The following RBBP8 variants were observed in gnomAD, a reference collection of about 807,000 sequenced individuals.
RBBP8 encodes DNA endonuclease RBBP8.
In RBBP8, 88 loss-of-function variants were observed where a neutral mutation model predicts 108.3. The ratio of observed to expected loss-of-function variants is 0.81; its 90% CI spans 0.68 to 0.97. The LOEUF (loss-of-function observed/expected upper bound fraction) is 0.97. RBBP8 is among the 50% of genes least tolerant of loss of function. The probability of loss-of-function intolerance (pLI) is 0.00; values close to 1 mark genes in which losing one functional copy is unlikely to be tolerated. For missense variants in RBBP8, 1,023 were observed against 1,049.0 expected (o/e 0.98, Z 0.34); for synonymous variants, 332 against 348.2 (o/e 0.95, Z 0.52).
Position 22,946,588 on chromosome 18 carries a change from C to T in RBBP8, c.152+102C>T, listed in dbSNP as rs1598646928. The T allele has an allele frequency of 4.7e-6, 7 of 1,498,434 alleles. No individual in the cohort carries two copies. The East Asian group carries it at 1.4e-4, about 30-fold the overall frequency. 92.8% of individuals were successfully genotyped at this position (1,498,434 alleles called of 1,614,324 possible). On this transcript the variant is annotated intron_variant, in intron 3 of 18. Transcript: ENST00000327155. ...TAGTTGATACTGATGTCCAATTTGA[C>T]CTTAATGTCTTATTTATAAAAAAAA...
At chr18:22,936,019 T>C (rs1395234931) in intron 1 of RBBP8, among the ~76,000 whole-genome samples, 6 of 152,188 alleles carry the variant, frequency 3.9e-5, no homozygotes, top group Non-Finnish European at 5.9e-5. Context: ...GATATGTGTA[T>C]ATATGTGGAT....
intron 5 of RBBP8, among the ~76,000 whole-genome samples, chr18:22,972,845 A>G (rs1914216632): frequency 6.6e-6 from 1 of 152,176 alleles, no homozygotes; most frequent in Admixed American, 6.5e-5. Context: ...AAGTAAAATT[A>G]CCTTTCAATT....
chr18:22,964,190 A>G (rs1453858801), intron 4 of RBBP8, among the ~76,000 whole-genome samples: 2 of 150,810 alleles, frequency 1.3e-5, no homozygotes, highest in African/African-American at 4.9e-5. Flanking sequence ...CTTGTCTAGA[A>G]CTCCTGGCCT....
At chr18:22,993,944 A>G in intron 12 of RBBP8, 97 bp downstream of exon 12, 1 of 1,336,140 alleles carries the variant, frequency 7.5e-7, no homozygotes, top group Middle Eastern at 2.0e-4. Context: ...TTTGGAAAAA[A>G]ACTTATTTCT....
intron 4 of RBBP8, among the ~76,000 whole-genome samples, chr18:22,968,317 C>G (rs991891197): frequency 6.6e-6 from 1 of 152,022 alleles, no homozygotes; most frequent in African/African-American, 2.4e-5. Context: ...ATGATCCTGT[C>G]GCCGCAGCCT....
At chr18:22,989,932 G>T (rs1046451097) in intron 9 of RBBP8, among the ~76,000 whole-genome samples, 1 of 152,176 alleles carries the variant, frequency 6.6e-6, no homozygotes, top group Admixed American at 6.5e-5. Context: ...GCCTCTCAAA[G>T]TGTTGAGATT....
At chr18:23,002,915 T>A (rs542904071) in intron 15 of RBBP8, among the ~76,000 whole-genome samples, 1 of 152,338 alleles carries the variant, frequency 6.6e-6, no homozygotes, top group East Asian at 1.9e-4. Context: ...CGGTATCCTT[T>A]TTCCCCCCAA....
intron 15 of RBBP8, chr18:23,004,796 T>C (rs1464925554): frequency 1.3e-5 from 2 of 152,268 alleles, no homozygotes; most frequent in African/African-American, 4.8e-5. Flanking sequence ...TGCTGATCAG[T>C]AGTGGTGCGG....
intron 3 of RBBP8, among the ~76,000 whole-genome samples, chr18:22,918,721 G>C (rs1909465549): frequency 1.3e-5 from 2 of 152,142 alleles, no homozygotes; most frequent in South Asian, 4.2e-4. Context: ...CTGTCACCCA[G>C]GTTTAGCCTC....
intron 2 of RBBP8, among the ~76,000 whole-genome samples, chr18:22,944,317 T>C (rs1911363749): frequency 6.6e-6 from 1 of 152,244 alleles, no homozygotes; most frequent in African/African-American, 2.4e-5. Context: ...GATTTTCTTT[T>C]GAAGTTTATA....
intron 3 of RBBP8, among the ~76,000 whole-genome samples, chr18:22,924,807 G>A (rs1909729347): frequency 6.6e-6 from 1 of 152,136 alleles, no homozygotes. Context: ...TAGAGCAATA[G>A]GAATCAACCA....
chr18:22,946,058 A>G (rs988407142), intron 2 of RBBP8, among the ~76,000 whole-genome samples: 1 of 152,234 alleles, frequency 6.6e-6, no homozygotes, highest in African/African-American at 2.4e-5. Flanking sequence ...CTACTAGTCC[A>G]GGACTTCCTA....
chr18:22,941,328 C>T (rs1473350935), intron 2 of RBBP8, among the ~76,000 whole-genome samples: 1 of 152,028 alleles, frequency 6.6e-6, no homozygotes, highest in Non-Finnish European at 1.5e-5. Context: ...CGCACCACCA[C>T]TCCTGGCTAA....
intron 15 of RBBP8, among the ~76,000 whole-genome samples, chr18:23,002,670 G>A (rs1204631594): frequency 6.6e-6 from 1 of 151,890 alleles, no homozygotes; most frequent in Non-Finnish European, 1.5e-5. Flanking sequence ...TATTAAATTG[G>A]TCCGAATTTT....
intron 2 of RBBP8, among the ~76,000 whole-genome samples, chr18:22,943,622 T>C (rs1479535190): frequency 1.3e-5 from 2 of 152,208 alleles, no homozygotes; most frequent in South Asian, 2.1e-4. Context: ...TAGGCAATTA[T>C]AGAAATGCTA....
intron 17 of RBBP8, among the ~76,000 whole-genome samples, chr18:23,020,409 G>A (rs556237857): frequency 9.9e-5 from 15 of 152,000 alleles, no homozygotes; most frequent in African/African-American, 2.9e-4. Flanking sequence ...TGACAAGAGC[G>A]AAACTCCATC....
At chr18:22,975,736 G>T (rs909197469) in intron 6 of RBBP8, among the ~76,000 whole-genome samples, 2 of 151,962 alleles carry the variant, frequency 1.3e-5, no homozygotes, top group African/African-American at 4.8e-5. Flanking sequence ...ACTTTGCAAA[G>T]TAGTTTTATT....
At chr18:22,962,211 C>T (rs1200507674) in intron 4 of RBBP8, among the ~76,000 whole-genome samples, 1 of 152,110 alleles carries the variant, frequency 6.6e-6, no homozygotes, top group Non-Finnish European at 1.5e-5. Context: ...CAGCTGTCAG[C>T]CCTCAGTACC....
intron 12 of RBBP8, among the ~76,000 whole-genome samples, chr18:22,996,035 C>A (rs573325748): frequency 6.6e-6 from 1 of 152,350 alleles, no homozygotes; most frequent in African/African-American, 2.4e-5. Flanking sequence ...TCTCCACCTC[C>A]TCACTAGCAC....
Sources: allele counts gnomAD v4.1 joint callset (sites outside exome capture counted in the v4.1 genomes callset), GRCh38; gene constraint gnomAD v4.1.1; transcripts MANE v1.5; gene names NCBI Gene and HGNC (gene_info 2026-07-23, HGNC 2026-07-21).